Variants in MUC5B observed in about 807,000 individuals in gnomAD.
MUC5B encodes mucin 5B, oligomeric mucus/gel-forming.
In MUC5B, 116 loss-of-function variants were observed where a neutral mutation model predicts 376.9. That is an observed-to-expected ratio of 0.31 (90% CI 0.26 to 0.36). MUC5B has a LOEUF of 0.36. Among genes scored for constraint, MUC5B ranks in the 10% least tolerant of loss-of-function variants. The probability of loss-of-function intolerance (pLI) is 1.00; values close to 1 mark genes in which losing one functional copy is unlikely to be tolerated. For synonymous variants in MUC5B, 3,517 were observed against 3,390.9 expected (o/e 1.04, Z -1.29); for missense variants, 7,165 against 7,769.9 (o/e 0.92, Z 2.93).
chr11:1,233,769 G>C, intron 18 of MUC5B, 24 bp from the exon 19 acceptor site: 2 of 1,594,672 alleles, frequency 1.3e-6, no homozygotes, highest in Non-Finnish European at 1.7e-6. Flanking sequence ...CGCAGATCCA[G>C]GCTGTGCCGT....
At chr11:1,224,608 C>T (rs531001208) in intron 1 of MUC5B, among the ~76,000 whole-genome samples, 144 of 146,364 alleles carry the variant, frequency 9.8e-4, no homozygotes, top group African/African-American at 3.1e-3. Context: ...GGGCTGCCTG[C>T]GGCGGGAGCC....
intron 30 of MUC5B, among the ~76,000 whole-genome samples, 185 bp downstream of exon 30, chr11:1,240,560 C>CA (rs1564937953): frequency 6.6e-6 from 1 of 152,214 alleles, no homozygotes; most frequent in Non-Finnish European, 1.5e-5. Flanking sequence ...CACGAAGCCT[C>CA]AGCACAATGA....
intron 35 of MUC5B, 40 bp downstream of exon 35, chr11:1,254,920 C>G (rs1209923708): frequency 6.3e-7 from 1 of 1,577,346 alleles, no homozygotes; most frequent in African/African-American, 1.4e-5. Flanking sequence ...AGGGCTGCTG[C>G]TGGGCCTGAC....
rs1862890784 is a variant in MUC5B at position 1,258,032 on chromosome 11, C to T, written c.16451-67C>T. On this transcript the variant is annotated intron_variant, in intron 41 of 48. Transcript: ENST00000529681. The surrounding 1 kb of genome is among the most constrained non-coding windows in gnomAD (Gnocchi z 5.5). ...CGGGGAAAAGCACGCCTGCGACTTA[C>T]TCTGGGAACAAGTGGTCGGGAGGAG... The T allele has an allele frequency of 3.4e-6, 5 of 1,450,154 alleles. No homozygotes were observed. Among genetic ancestry groups the T allele is most frequent in the Non-Finnish European group, 4.7e-6 (5 of 1,060,786 alleles). The allele number at this position is 1,450,154 out of a possible 1,614,324, so 89.8% of individuals were successfully genotyped here. A position where few individuals can be genotyped will look rare whatever the true frequency, so the allele number is the denominator to read the frequency against.
Position 1,246,998 on chromosome 11 carries a change from C to A in MUC5B, c.10118C>A (p.Ser3373Tyr), listed in dbSNP as rs1364813145. ...TTTTTTVATG[S>Y]MATPSSSTQT... ...ACCACCACAACTGTGGCCACTGGTT[C>A]TATGGCAACACCCTCCTCTAGCACA... The change falls in exon 31 of 49, where the codon TCT (serine) becomes TAT (tyrosine). Residue 3373 changes from serine (S) to tyrosine (Y), a missense_variant. Physicochemically the swap from Ser to Tyr is moderately radical, Grantham distance 144. Transcript: ENST00000529681. The A allele has an allele frequency of 2.0e-5, 31 of 1,559,536 alleles. No homozygotes were observed. Among genetic ancestry groups the A allele is most frequent in the Non-Finnish European group, 2.5e-5 (29 of 1,151,990 alleles).
Position 1,254,867 on chromosome 11 carries a change from C to A in MUC5B, c.15651C>A (p.Thr5217=). The A allele has an allele frequency of 1.2e-6, 2 of 1,611,234 alleles. No homozygotes were observed. The highest frequency in any genetic ancestry group is 1.7e-6 in the Non-Finnish European group (2 of 1,179,618). ...CCTACAGCCTCTTCCACAACAACAC[C>A]GAGGGCCAGTGCGGTGAGTGGGCGG... ...RLPYSLFHNN[T]EGQCGTCTNN... Residue 5217 remains threonine (T), a synonymous_variant, in exon 35 of 49, where the codon ACC becomes ACA. Transcript: ENST00000529681.
Position 1,231,611 on chromosome 11 carries a change from G to A in MUC5B, c.1678+51G>A. The A allele has an allele frequency of 3.3e-6, 5 of 1,518,884 alleles. No individual in the cohort carries two copies. In the East Asian group the frequency reaches 9.8e-5, roughly 30 times the overall value. The allele number at this position is 1,518,884 out of a possible 1,614,324, so 94.1% of individuals were successfully genotyped here. On this transcript the variant is annotated intron_variant, in intron 14 of 48. Transcript: ENST00000529681. ...GACAGGGCCATTGGGGACGGGGCCT[G>A]GACTAGCGCCAGGCTGCAGGGAGGG...
rs1308341954 is a variant in MUC5B, at chr11:1,239,038, C to A, written c.3454+11C>A. 11 of 1,570,466 alleles carry A rather than the reference C, an allele frequency of 7.0e-6. No individual in the cohort carries two copies. The highest frequency in any genetic ancestry group is 9.5e-6 in the Non-Finnish European group (11 of 1,158,838). On this transcript the variant is annotated intron_variant, in intron 26 of 48. Transcript: ENST00000529681. ...CTCCGGACACCTGCCGTGAGTCGGG[C>A]TCTGTCCGTGGTGCTGAAGGGTGGA...
rs1564954380 is a variant in MUC5B at position 1,259,127 on chromosome 11, GCACCTGCCCCCAGGTGAGACCTGAGT to G, written c.16713+71_16713+96del. 1.6e-5 allele frequency: 23 copies of G among 1,405,884 alleles called. No individual in the cohort carries two copies. In the East Asian group the frequency reaches 4.1e-4, roughly 25 times the overall value. The allele number at this position is 1,405,884 out of a possible 1,614,324, so 87.1% of individuals were successfully genotyped here. ...CACCTGCCCCCAAGTGAGACCCGAG[GCACCTGCCCCCAGGTGAGACCTGAGT>G]CACCCGCCCCCAGGTGAGCCCCCGA... is the stretch of plus-strand genomic sequence containing the variant. On this transcript the variant is annotated intron_variant, in intron 44 of 48. Coordinates refer to ENST00000529681, the MANE Select transcript of MUC5B (RefSeq NM_002458.3).
rs201554359 is a variant in MUC5B, at chr11:1,246,263, C to A, written c.9383C>A (p.Thr3128Asn). 354 of 1,612,606 alleles carry A rather than the reference C, an allele frequency of 2.2e-4. No homozygotes were observed. Among genetic ancestry groups the A allele is most frequent in the Non-Finnish European group, 1.9e-4 (229 of 1,179,426 alleles). ...AGTTCCATGTCCACCCCCTCCTCCA[C>A]TCCGGGGACGACCTGGATCCTCACA... ...ATSSMSTPSS[T>N]PGTTWILTEL... is the part of the protein sequence containing the mutation. The change falls in exon 31 of 49, where the codon ACT becomes AAT. Residue 3128 changes from threonine to asparagine, a missense_variant. Thr to Asn is a moderately conservative substitution (Grantham distance 65). This residue lies in a region of MUC5B where 939 missense variants were observed against 770.6 expected (regional missense o/e 1.22). Coordinates refer to ENST00000529681, the MANE Select transcript of MUC5B (RefSeq NM_002458.3).
intron 11 of MUC5B, 64 bp from the exon 12 acceptor site, chr11:1,230,426 A>G: frequency 2.8e-6 from 4 of 1,431,572 alleles, no homozygotes; most frequent in Non-Finnish European, 3.8e-6. Flanking sequence ...TCCCCAGCAC[A>G]CTTCTGGGGG....
chr11:1,251,727 A>G lies in MUC5B; in HGVS notation c.14847A>G (p.Gly4949=). 1 of 1,603,774 alleles carries G rather than the reference A, an allele frequency of 6.2e-7. No individual in the cohort carries two copies. The highest frequency in any genetic ancestry group is 8.5e-7 in the Non-Finnish European group (1 of 1,173,392). ...CTCCCTGCTTCTGCAGGGCATTTGGACAGTTTTTCTCGCCCGGTGAGTGCA... is the reference window on the plus strand; with the variant it reads ...CTCCCTGCTTCTGCAGGGCATTTGGGCAGTTTTTCTCGCCCGGTGAGTGCA... The part of the protein sequence containing the change: ...FSTPCFCRAF[G]QFFSPGEVIY... The change falls in exon 31 of 49, where the codon GGA becomes GGG. Residue 4949 remains glycine, a synonymous_variant. Transcript: ENST00000529681.
intron 38 of MUC5B, 50 bp from the exon 39 acceptor site, chr11:1,256,621 G>A (rs1413286481): frequency 1.4e-6 from 2 of 1,444,848 alleles, no homozygotes; most frequent in Non-Finnish European, 1.9e-6. Flanking sequence ...GGATGACAGT[G>A]GAGGCCTCCT....
chr11:1,226,976 G>A (rs1380335958), intron 4 of MUC5B, 55 bp from the exon 5 acceptor site: 6 of 1,566,934 alleles, frequency 3.8e-6, no homozygotes, highest in South Asian at 1.2e-5. Flanking sequence ...GGGGGGTTGG[G>A]TGGGCAGGCA....
In MUC5B at chr11:1,249,670, G is replaced by A. The variant is rs1369559592; in HGVS notation, c.12790G>A (p.Gly4264Arg). The A allele has an allele frequency of 6.2e-7, 1 of 1,610,002 alleles. No individual in the cohort carries two copies. Among genetic ancestry groups the A allele is most frequent in the Non-Finnish European group, 8.5e-7 (1 of 1,177,986 alleles). Residue 4264 changes from glycine to arginine, a missense_variant, in exon 31 of 49, where the codon GGA (glycine) becomes AGA (arginine). Gly to Arg is a moderately radical substitution (Grantham distance 125). Transcript: ENST00000529681. ...AACAGCCACTACGACTGCATCCACTGGATCCACGGCCACCCCGTCCTCCAC... is the reference window on the plus strand; with the variant it reads ...AACAGCCACTACGACTGCATCCACTAGATCCACGGCCACCCCGTCCTCCAC... ...TTTATTTAST[G>R]STATPSSTPG...
chr11:1,226,928 T>G (rs1218056447), intron 4 of MUC5B, 52 bp downstream of exon 4: 1 of 1,116,376 alleles, frequency 9.0e-7, no homozygotes, highest in Non-Finnish European at 1.2e-6. Flanking sequence ...CAGTGTGACC[T>G]CCCCACACGG....
intron 2 of MUC5B, among the ~76,000 whole-genome samples, chr11:1,225,990 GCA>G (rs750427570): frequency 6.6e-6 from 1 of 152,252 alleles, no homozygotes; most frequent in Non-Finnish European, 1.5e-5. Flanking sequence ...ACTTACACTG[GCA>G]CACACATGTG....
rs1051290427 is a variant in MUC5B, at chr11:1,261,552, C to A, written c.17233C>A (p.Pro5745Thr). The change falls in exon 49 of 49, where the codon CCC (proline) becomes ACC (threonine). Residue 5745 changes from proline (P) to threonine (T), a missense_variant. Around this residue, in one of 31 missense-constraint regions of MUC5B, gnomAD observed 842 missense variants for 1,016.9 expected, o/e 0.83. Transcript: ENST00000529681. ...CGCTPFCVPA[P>T]MAPPHTRGFP... ...CTGCACGCCCTTCTGTGTCCCTGCG[C>A]CCATGGCTCCCCCACACACCCGTGG... The A allele has an allele frequency of 1.5e-5, 24 of 1,608,636 alleles. No individual in the cohort carries two copies. The Admixed American group carries it at 3.0e-4, about 20-fold the overall frequency.
In MUC5B at chr11:1,249,531, A is replaced by T. The variant is rs1862605976; in HGVS notation, c.12651A>T (p.Glu4217Asp). The change falls in exon 31 of 49, where the codon GAA (glutamate) becomes GAT (aspartate). Residue 4217 changes from glutamate to aspartate, a missense_variant. Coordinates refer to ENST00000529681, the MANE Select transcript of MUC5B (RefSeq NM_002458.3). ...VGKFKMCFNY[E>D]IRVFCCNYGH... is the part of the protein sequence containing the mutation. ...AGTTCAAGATGTGCTTCAACTATGA[A>T]ATCCGTGTGTTCTGCTGCAACTACG... The T allele has an allele frequency of 1.2e-6, 2 of 1,612,260 alleles. No individual in the cohort carries two copies. The highest frequency in any genetic ancestry group is 3.3e-5 in the Admixed American group (2 of 59,986).
Sources: allele counts gnomAD v4.1 joint callset (sites outside exome capture counted in the v4.1 genomes callset), GRCh38; gene constraint gnomAD v4.1.1; regional missense constraint gnomAD v4.1.1; non-coding constraint Gnocchi (gnomAD v3.1); transcripts MANE v1.5; gene names NCBI Gene and HGNC (gene_info 2026-07-23, HGNC 2026-07-21).